The following PRRT1B variants were observed in gnomAD, a reference collection of about 807,000 sequenced individuals.
PRRT1B encodes dispanin subfamily D member 2.
At chr9:131,547,064 G>GTTTTT (rs1950980780) in intron 1 of PRRT1B, among the ~76,000 whole-genome samples, 1 of 76,374 alleles carries the variant, frequency 1.3e-5, no homozygotes, top group African/African-American at 1.1e-4. Context: ...CCTCCTGTTC[G>GTTTTT]CTTTTTTTTT....
At chr9:131,559,105 C>T (rs1368642728), downstream of PRRT1B, among the ~76,000 whole-genome samples, 1 of 152,222 alleles carries the variant, frequency 6.6e-6, no homozygotes, top group Non-Finnish European at 1.5e-5. Flanking sequence ...CCCAGTCCCA[C>T]TAGCTGTGGT....
rs1950970211 is a variant in PRRT1B at position 131,545,782 on chromosome 9, G to GA, written c.25+143dup. ...GCAGGTGCTGGCGGAGCGGGTGCTG[G>GA]AGGGGGTGTAAGGGGTAGATACCAG... On this transcript the variant is annotated intron_variant, in intron 1 of 3. Coordinates refer to ENST00000636672, the Ensembl canonical transcript of PRRT1B. The GA allele has an allele frequency of 9.9e-6, 4 of 402,086 alleles. No individual in the cohort carries two copies. In the East Asian group the frequency reaches 1.4e-4, roughly 14 times the overall value. The allele number at this position is 402,086 out of a possible 1,614,324, so 24.9% of individuals were successfully genotyped here.
intron 2 of PRRT1B, 34 bp downstream of exon 2, chr9:131,555,063 C>T: frequency 2.6e-6 from 1 of 389,628 alleles, no homozygotes; most frequent in Non-Finnish European, 4.5e-6. Flanking sequence ...CGCTCCCCTC[C>T]GTGCTGTCTG....
At chr9:131,547,038 T>G (rs1950980450) in intron 1 of PRRT1B, among the ~76,000 whole-genome samples, 1 of 145,216 alleles carries the variant, frequency 6.9e-6, no homozygotes, top group Non-Finnish European at 1.5e-5. Context: ...GCAAAAGCTC[T>G]CAGAGCAGAG....
chr9:131,559,096 C>T (rs374320747), downstream of PRRT1B, among the ~76,000 whole-genome samples: 1 of 152,220 alleles, frequency 6.6e-6, no homozygotes, highest in African/African-American at 2.4e-5. Flanking sequence ...TCCTGGCACC[C>T]CAGTCCCACT....
chr9:131,545,708 CGAGGCAGGTACTGGA>C (rs1564415246), intron 1 of PRRT1B, 68 bp downstream of exon 1: 2 of 351,656 alleles, frequency 5.7e-6, no homozygotes, highest in Admixed American at 1.2e-4. Flanking sequence ...CAGGTACTGG[CGAGGCAGGTACTGGA>C]GGGGCAGGTA....
chr9:131,554,671 TCCCGCGCCG>T (rs1023958757), exon 2 of PRRT1B: 3 of 377,844 alleles, frequency 7.9e-6, no homozygotes. Flanking sequence ...CTCCCGCAGC[TCCCGCGCCG>T]CCCGCGGACC....
rs975464912 is a variant in PRRT1B, at chr9:131,558,045, C to T, written c.643-8C>T. ...CCCACCGCCCCCTCCTGCCCTGTCT[C>T]GTTGCAGGCCCGTGCAGCACTGGGC... is the stretch of plus-strand genomic sequence containing the variant. On this transcript the variant is annotated splice_polypyrimidine_tract_variant and splice_region_variant and intron_variant, in intron 3 of 3. Coordinates refer to ENST00000636672, the Ensembl canonical transcript of PRRT1B. 7 of 399,234 alleles carry T rather than the reference C, an allele frequency of 1.8e-5. No homozygotes were observed. The highest frequency in any genetic ancestry group is 1.0e-4 in the African/African-American group (5 of 48,654). The allele number at this position is 399,234 out of a possible 1,614,324, so 24.7% of individuals were successfully genotyped here. A position where few individuals can be genotyped will look rare whatever the true frequency, so the allele number is the denominator to read the frequency against.
intron 1 of PRRT1B, among the ~76,000 whole-genome samples, chr9:131,547,189 A>G (rs1256445721): frequency 1.3e-5 from 2 of 150,122 alleles, no homozygotes; most frequent in African/African-American, 5.0e-5. Flanking sequence ...CTCCCTCCCA[A>G]GTAGCTAGGA....
rs147929422 is a variant in PRRT1B, at chr9:131,557,475, T to C, written c.643-578T>C. On this transcript the variant is annotated intron_variant, in intron 3 of 3. Transcript: ENST00000636672. ...ATCACTTGAATCCAGGAGGTGAAGG[T>C]TGCAGTGAGCTGAGATCGCACCACT... Among the ~76,000 whole-genome samples the C allele has an allele frequency of 1.4e-4, 22 of 152,248 alleles. No individual in the cohort carries two copies. In the East Asian group the frequency reaches 4.0e-3, roughly 28 times the overall value.
chr9:131,548,756 G>A lies in PRRT1B; in HGVS notation c.25+3116G>A, dbSNP rs376788905. Among the ~76,000 whole-genome samples, 14 of 152,172 alleles carry A rather than the reference G, an allele frequency of 9.2e-5. No individual in the cohort carries two copies. The South Asian group carries it at 2.5e-3, about 27-fold the overall frequency. ...CTCTGCGCCAGGCTGAGCTAGGTCC[G>A]AATTCTTCCTCAGCCTCCATTTCCC... is the stretch of plus-strand genomic sequence containing the variant. On this transcript the variant is annotated intron_variant, in intron 1 of 3. Transcript: ENST00000636672.
chr9:131,554,870 G>C, exon 2 of PRRT1B: 1 of 378,224 alleles, frequency 2.6e-6, no homozygotes. Context: ...CGGACCCCAA[G>C]GCCGCGCCGC....
exon 1 of PRRT1B, chr9:131,545,620 A>AGGCAGGAGCTGGAGG (rs1310810768): frequency 0.015 from 6,094 of 397,302 alleles, 410 homozygotes; most frequent in African/African-American, 0.12. Flanking sequence ...CGGACCATGG[A>AGGCAGGAGCTGGAGG]GGCAGGAGCT....
chr9:131,555,112 A>T, intron 2 of PRRT1B, 83 bp downstream of exon 2: 1 of 84,580 alleles, frequency 1.2e-5, no homozygotes. Flanking sequence ...CCGATAGGTC[A>T]CTTCTGTCCC....
At chr9:131,549,712 C>G (rs56359292) in intron 1 of PRRT1B, among the ~76,000 whole-genome samples, 96,256 of 151,976 alleles carry the variant, frequency 0.63, 30,619 homozygotes, top group African/African-American at 0.67. Context: ...TCCTTTGCCT[C>G]CATAACTGTT....
intron 1 of PRRT1B, among the ~76,000 whole-genome samples, chr9:131,547,076 T>TTTTTG: frequency 6.8e-6 from 1 of 146,112 alleles, no homozygotes; most frequent in African/African-American, 2.6e-5. Context: ...TTTTTTTTTT[T>TTTTTG]TTTTTTTTTT....
chr9:131,558,175 C>T (rs34226924), exon 4 of PRRT1B: 16,082 of 401,034 alleles, frequency 0.04, 458 homozygotes, highest in Middle Eastern at 0.1. Context: ...GGGTCATCTA[C>T]GTGGTGGTGG....
chr9:131,546,382 C>T (rs985446116), intron 1 of PRRT1B, among the ~76,000 whole-genome samples: 1 of 152,150 alleles, frequency 6.6e-6, no homozygotes, highest in African/African-American at 2.4e-5. Flanking sequence ...CGACGTCGCC[C>T]ACCCCCAGGC....
intron 1 of PRRT1B, among the ~76,000 whole-genome samples, chr9:131,554,300 C>T (rs1951031271): frequency 6.6e-6 from 1 of 152,066 alleles, no homozygotes; most frequent in Non-Finnish European, 1.5e-5. Flanking sequence ...AGGCCATCTG[C>T]CAAGGAAAGG....
Sources: allele counts gnomAD v4.1 joint callset (sites outside exome capture counted in the v4.1 genomes callset), GRCh38; gene constraint gnomAD v4.1.1; transcripts MANE v1.5; gene names NCBI Gene and HGNC (gene_info 2026-07-23, HGNC 2026-07-21).